GMPR: variants seen among roughly 807,000 people sequenced by gnomAD.
GMPR encodes GMP reductase 1.
GMPR carries 31 observed loss-of-function variants against 38.4 expected under a neutral mutation model. That is an observed-to-expected ratio of 0.81 (90% CI 0.61 to 1.09). The LOEUF (loss-of-function observed/expected upper bound fraction) is 1.09, where lower values mean the gene tolerates loss of function less well. Among genes scored for constraint, GMPR ranks in the 50% least tolerant of loss-of-function variants. The pLI, the probability that GMPR is intolerant of heterozygous loss-of-function variation, is 0.00. For synonymous variants in GMPR, 162 were observed against 173.3 expected (o/e 0.93, Z 0.51); for missense variants, 468 against 453.7 (o/e 1.03, Z -0.29).
intron 6 of GMPR, 105 bp downstream of exon 6, chr6:16,278,995 G>A (rs920499546): frequency 2.9e-6 from 2 of 692,108 alleles, no homozygotes; most frequent in Non-Finnish European, 2.5e-6. Context: ...GGAGGGAGCT[G>A]GGCACTGCGG....
Position 16,290,557 on chromosome 6 carries a change from C to T in GMPR, c.793C>T (p.Leu265Phe). 6.2e-7 allele frequency: 1 copy of T among 1,614,116 alleles called. No homozygotes were observed. Among genetic ancestry groups the T allele is most frequent in the Non-Finnish European group, 8.5e-7 (1 of 1,179,976 alleles). ...VFERNGRKLK[L>F]FYGMSSDTAM... is the part of the protein sequence containing the mutation. ...TGAGAGGAACGGACGGAAGCTCAAG[C>T]TCTTCTACGGGATGAGCTCTGACAC... The change falls in exon 8 of 9, where the codon CTC (leucine) becomes TTC (phenylalanine). Residue 265 changes from leucine to phenylalanine, a missense_variant. By Grantham distance (22) the Leu-to-Phe change is conservative (BLOSUM62 0). Transcript: ENST00000259727.
At chr6:16,250,151 C>T in intron 2 of GMPR, 133 bp from the exon 3 acceptor site, 1 of 681,096 alleles carries the variant, frequency 1.5e-6, no homozygotes, top group East Asian at 2.6e-5. Context: ...GCTAGGAGCA[C>T]ATTCAAAGCA....
chr6:16,263,420 T>C (rs1052690366), intron 4 of GMPR: 1 of 151,816 alleles, frequency 6.6e-6, no homozygotes, highest in African/African-American at 2.4e-5. Context: ...TTAAGTTTTT[T>C]GAGGACACAG....
At chr6:16,252,185 T>C (rs1758888005) in intron 3 of GMPR, among the ~76,000 whole-genome samples, 1 of 152,238 alleles carries the variant, frequency 6.6e-6, no homozygotes, top group South Asian at 2.1e-4. Flanking sequence ...TTTCACTTTC[T>C]TCTGTTTTTC....
rs147623511 is a variant in GMPR, at chr6:16,266,338, C to T, written c.466-8077C>T. 5.9e-3 allele frequency among the ~76,000 whole-genome samples: 836 copies of T among 141,444 alleles called. 9 individuals carry two copies. The highest frequency in any genetic ancestry group is 0.023 in the African/African-American group (800 of 34,860). 92.8% of individuals were successfully genotyped at this position (141,444 alleles called of 152,430 possible). A position where few individuals can be genotyped will look rare whatever the true frequency, so the allele number is the denominator to read the frequency against. On this transcript the variant is annotated intron_variant, in intron 4 of 8. Transcript: ENST00000259727. ...GAGGAGGAACGAACAACTCTGGGTG[C>T]GCCACCTTTAAGAGCTGTAACACTC...
intron 4 of GMPR, among the ~76,000 whole-genome samples, chr6:16,256,478 G>A (rs185342667): frequency 1.2e-3 from 159 of 137,230 alleles, no homozygotes; most frequent in Non-Finnish European, 2.0e-3. Context: ...GCTGTGAGCC[G>A]AGATCTCACC....
In GMPR at chr6:16,290,594, AG is replaced by A; in HGVS notation, c.831del (p.Lys277AsnfsTer36). On this transcript the variant is annotated frameshift_variant, in exon 8 of 9. Coordinates refer to ENST00000259727, the MANE Select transcript of GMPR (RefSeq NM_006877.4). LOFTEE classifies it high-confidence loss of function. The part of the protein sequence containing the change: ...YGMSSDTAMN[K>X]HAGGVAEYRA... The stretch of plus-strand genomic sequence containing the variant: ...ATGAGCTCTGACACCGCCATGAACA[AG>A]CACGCAGGAGGAGTTGCTGAGTACA... The A allele has an allele frequency of 6.2e-7, 1 of 1,614,216 alleles. No individual in the cohort carries two copies.
At chr6:16,289,045 T>C (rs1206998634) in intron 7 of GMPR, among the ~76,000 whole-genome samples, 1 of 152,214 alleles carries the variant, frequency 6.6e-6, no homozygotes, top group Non-Finnish European at 1.5e-5. Flanking sequence ...TGGCAAACCC[T>C]TCTGGCTCCT....
At chr6:16,266,156 T>C (rs922517082) in intron 4 of GMPR, among the ~76,000 whole-genome samples, 1 of 42,130 alleles carries the variant, frequency 2.4e-5, no homozygotes, top group African/African-American at 4.3e-4. Flanking sequence ...CTGTAACACT[T>C]GCCATCTTTA....
intron 4 of GMPR, 126 bp downstream of exon 4, chr6:16,254,861 T>C (rs1758945074): frequency 1.5e-6 from 1 of 653,118 alleles, no homozygotes; most frequent in Non-Finnish European, 2.7e-6. Flanking sequence ...CAAAGATTAA[T>C]TGAGGATCAT....
Position 16,292,920 on chromosome 6 carries a change from T to C in GMPR, c.858-2086T>C, listed in dbSNP as rs151012148. 3.0e-3 allele frequency among the ~76,000 whole-genome samples: 453 copies of C among 152,290 alleles called. 2 individuals carry two copies. Among genetic ancestry groups the C allele is most frequent in the African/African-American group, 0.01 (436 of 41,566 alleles). Reference sequence around the variant, plus strand: ...ACTCAGTTCTGAAAGTGGATTCAAATCTTTAACAGGGAAGGAAATTGCTGA... The same window carrying C: ...ACTCAGTTCTGAAAGTGGATTCAAACCTTTAACAGGGAAGGAAATTGCTGA... On this transcript the variant is annotated intron_variant, in intron 8 of 8. Transcript: ENST00000259727.
At position 16,278,854 on chromosome 6, in the gene GMPR, C is replaced by T. The variant is rs141278753; in HGVS notation, c.618C>T (p.Ala206=). 252 of 1,613,636 alleles carry T rather than the reference C, an allele frequency of 1.6e-4. No individual in the cohort carries two copies. The highest frequency in any genetic ancestry group is 1.9e-4 in the Non-Finnish European group (223 of 1,179,704). The stretch of plus-strand genomic sequence containing the variant: ...AGCTGAGTGCCGTCATTGAGTGTGC[C>T]GACTCTGCCCATGGCCTGAAGGGCC... ...YPQLSAVIEC[A]DSAHGLKGHI... is the part of the protein sequence containing the mutation. The change falls in exon 6 of 9, where the codon GCC becomes GCT. Residue 206 remains alanine, a synonymous_variant. Coordinates refer to ENST00000259727, the MANE Select transcript of GMPR (RefSeq NM_006877.4).
rs1202724572 is a variant in GMPR at position 16,295,545 on chromosome 6, CTT to C, written c.*360_*361del. Reference sequence around the variant, plus strand: ...TTAATATAATGCTATTATCTTAAGACTTAATGGAGTTGCTGGAGTTTGTATTT... The same window carrying C: ...TTAATATAATGCTATTATCTTAAGACAATGGAGTTGCTGGAGTTTGTATTT... On this transcript the variant is annotated 3_prime_UTR_variant, in exon 9 of 9. Coordinates refer to ENST00000259727, the MANE Select transcript of GMPR (RefSeq NM_006877.4). 1.2e-5 allele frequency: 2 copies of C among 167,778 alleles called. No individual in the cohort carries two copies. Among genetic ancestry groups the C allele is most frequent in the East Asian group, 3.2e-4 (2 of 6,284 alleles). The allele number at this position is 167,778 out of a possible 1,614,324, so 10.4% of individuals were successfully genotyped here.
chr6:16,251,678 G>C (rs1758878349), intron 3 of GMPR, among the ~76,000 whole-genome samples: 1 of 152,186 alleles, frequency 6.6e-6, no homozygotes, highest in African/African-American at 2.4e-5. Flanking sequence ...GGCCTGAGGG[G>C]CTGAGGAAGT....
chr6:16,276,881 T>C (rs1046301395), intron 5 of GMPR, among the ~76,000 whole-genome samples: 1 of 152,234 alleles, frequency 6.6e-6, no homozygotes, highest in Non-Finnish European at 1.5e-5. Context: ...ATGCACCAAC[T>C]TCTTCTTTCA....
At position 16,239,862 on chromosome 6, in the gene GMPR, T is replaced by C. The variant is rs189124789; in HGVS notation, c.87+1082T>C. Among the ~76,000 whole-genome samples the C allele has an allele frequency of 6.6e-5, 10 of 152,364 alleles. No homozygotes were observed. In the East Asian group the frequency reaches 1.9e-3, roughly 29 times the overall value. ...AAGTGGCCTTCTGTAAGCAGCAGCA[T>C]TGGCTGGTTTGGAGCCCGGCAGGAC... On this transcript the variant is annotated intron_variant, in intron 1 of 8. Transcript: ENST00000259727.
chr6:16,262,748 T>C (rs1759111208), intron 4 of GMPR: 1 of 152,026 alleles, frequency 6.6e-6, no homozygotes, highest in Non-Finnish European at 1.5e-5. Flanking sequence ...TCTAGGGCTG[T>C]AAAGCGTCTC....
chr6:16,293,720 C>T (rs1023498846), intron 8 of GMPR, among the ~76,000 whole-genome samples: 8 of 152,166 alleles, frequency 5.3e-5, no homozygotes, highest in African/African-American at 1.9e-4. Context: ...ATTGCTTGAA[C>T]CCAGGAGGCA....
At chr6:16,290,987 C>G (rs1308397590) in intron 8 of GMPR, among the ~76,000 whole-genome samples, 2 of 152,190 alleles carry the variant, frequency 1.3e-5, no homozygotes, top group African/African-American at 4.8e-5. Flanking sequence ...GAGAAGAGTT[C>G]AGGCTGAAAG....
Sources: allele counts gnomAD v4.1 joint callset (sites outside exome capture counted in the v4.1 genomes callset), GRCh38; gene constraint gnomAD v4.1.1; transcripts MANE v1.5; gene names NCBI Gene and HGNC (gene_info 2026-07-23, HGNC 2026-07-21).